The following PDZD8 variants were observed in gnomAD, a reference collection of about 807,000 sequenced individuals.
The protein encoded by PDZD8 is PDZ domain-containing protein 8.
In PDZD8, 14 loss-of-function variants were observed where a neutral mutation model predicts 85.8. That is an observed-to-expected ratio of 0.16 (90% CI 0.11 to 0.26). The LOEUF is 0.26. PDZD8 is among the 10% of genes least tolerant of loss of function. PDZD8 has a pLI of 1.00. For missense variants in PDZD8, 1,197 were observed against 1,424.3 expected (o/e 0.84, Z 2.57); for synonymous variants, 592 against 568.6 (o/e 1.04, Z -0.59).
intron 2 of PDZD8, among the ~76,000 whole-genome samples, chr10:117,330,914 A>G (rs1319877158): frequency 1.3e-5 from 2 of 152,182 alleles, no homozygotes; most frequent in Non-Finnish European, 2.9e-5. Context: ...TCTTTTTCCA[A>G]TTACCTAAAA....
chr10:117,322,813 T>C (rs1162890468), intron 2 of PDZD8, among the ~76,000 whole-genome samples: 3 of 152,126 alleles, frequency 2.0e-5, no homozygotes, highest in African/African-American at 7.2e-5. Flanking sequence ...AAGATAAGCC[T>C]GGTCAGGGAA....
intron 2 of PDZD8, among the ~76,000 whole-genome samples, chr10:117,336,898 A>G (rs1458457524): frequency 6.6e-6 from 1 of 152,046 alleles, no homozygotes; most frequent in African/African-American, 2.4e-5. Flanking sequence ...AAACTTAAAA[A>G]AAAAAAAGAT....
Position 117,375,094 on chromosome 10 carries a change from A to T in PDZD8, c.134T>A (p.Phe45Tyr). 2 of 1,597,402 alleles carry T rather than the reference A, an allele frequency of 1.3e-6. No homozygotes were observed. Among genetic ancestry groups the T allele is most frequent in the Admixed American group, 1.7e-5 (1 of 59,492 alleles). The change falls in exon 1 of 5, where the codon TTC becomes TAC. Residue 45 changes from phenylalanine to tyrosine, a missense_variant. This residue lies in a region of PDZD8 where 172 missense variants were observed against 137.8 expected (regional missense o/e 1.25). Transcript: ENST00000334464. ...ADEAARAGEGFRYIKPVPGLL... is the reference protein window; with the variant it reads ...ADEAARAGEGYRYIKPVPGLL... ...GCCCGGCACTGGCTTGATGTAGCGG[A>T]AGCCCTCGCCCGCGCGGGCGGCCTC...
intron 1 of PDZD8, among the ~76,000 whole-genome samples, chr10:117,362,862 T>G (rs1845020762): frequency 6.8e-6 from 1 of 146,512 alleles, no homozygotes; most frequent in Admixed American, 6.9e-5. Flanking sequence ...CACTCCAGCA[T>G]TAGTAAACAA....
chr10:117,367,076 G>C (rs75889412), intron 1 of PDZD8, among the ~76,000 whole-genome samples: 1 of 152,124 alleles, frequency 6.6e-6, no homozygotes, highest in Non-Finnish European at 1.5e-5. Context: ...AGAAACTGTG[G>C]CTTTTTGGGA....
At chr10:117,354,069 C>T (rs1402394202) in intron 1 of PDZD8, among the ~76,000 whole-genome samples, 3 of 152,160 alleles carry the variant, frequency 2.0e-5, no homozygotes, top group African/African-American at 7.2e-5. Context: ...TTTTATTCCT[C>T]CTCTTCTCAC....
chr10:117,294,633 A>T (rs959472405), intron 3 of PDZD8, among the ~76,000 whole-genome samples: 8 of 152,192 alleles, frequency 5.3e-5, no homozygotes, highest in African/African-American at 1.9e-4. Context: ...AATGGATAAA[A>T]AATGTGCGGT....
intron 2 of PDZD8, among the ~76,000 whole-genome samples, chr10:117,337,412 A>ATT (rs1844535820): frequency 2.0e-5 from 3 of 152,224 alleles, no homozygotes; most frequent in Non-Finnish European, 4.4e-5. Flanking sequence ...CAACTCAAAA[A>ATT]AACATGCAAT....
Position 117,321,561 on chromosome 10 carries a change from T to C in PDZD8, c.996-2587A>G, listed in dbSNP as rs542453544. Among the ~76,000 whole-genome samples, 11 of 152,292 alleles carry C rather than the reference T, an allele frequency of 7.2e-5. No individual in the cohort carries two copies. In the South Asian group the frequency reaches 2.1e-3, roughly 29 times the overall value. The stretch of plus-strand genomic sequence containing the variant: ...ATGAAAATATTCTAAAATTAAACTC[T>C]GACGGTGGTTATACAGCCCTGTAAA... On this transcript the variant is annotated intron_variant, in intron 2 of 4. Transcript: ENST00000334464.
At chr10:117,361,350 TC>T (rs1844996262) in intron 1 of PDZD8, among the ~76,000 whole-genome samples, 1 of 152,200 alleles carries the variant, frequency 6.6e-6, no homozygotes, top group African/African-American at 2.4e-5. Context: ...GTTAATTTAC[TC>T]CCTGTTAGCA....
chr10:117,324,579 T>G (rs1844283392), intron 2 of PDZD8, among the ~76,000 whole-genome samples: 1 of 152,164 alleles, frequency 6.6e-6, no homozygotes. Flanking sequence ...TCGTCAAGAT[T>G]CATTATAAGT....
At chr10:117,316,081 T>C (rs1844124154) in intron 3 of PDZD8, among the ~76,000 whole-genome samples, 1 of 152,182 alleles carries the variant, frequency 6.6e-6, no homozygotes. Flanking sequence ...CCCCTAATTT[T>C]TGTTTAAGCC....
chr10:117,318,122 T>A (rs746819918), intron 3 of PDZD8, among the ~76,000 whole-genome samples: 3 of 152,228 alleles, frequency 2.0e-5, no homozygotes, highest in Non-Finnish European at 4.4e-5. Context: ...ACTGTTATCC[T>A]GTAGTACTGG....
At chr10:117,307,996 T>C (rs1843972067) in intron 3 of PDZD8, among the ~76,000 whole-genome samples, 1 of 152,150 alleles carries the variant, frequency 6.6e-6, no homozygotes, top group South Asian at 2.1e-4. Context: ...TGAAGTATCA[T>C]GAACTACTTC....
Position 117,284,827 on chromosome 10 carries a change from C to G in PDZD8, c.1906G>C (p.Ala636Pro), listed in dbSNP as rs1844631991. Residue 636 changes from alanine to proline, a missense_variant, in exon 5 of 5, where the codon GCA becomes CCA. Around this residue, in one of 4 missense-constraint regions of PDZD8, gnomAD observed 263 missense variants for 261.9 expected, o/e 1.00. Coordinates refer to ENST00000334464, the MANE Select transcript of PDZD8 (RefSeq NM_173791.5). ...TCGTCTATGGCATCCACATTTTTTG[C>G]TTGCTTTTCAGCAGATTTATCTACA... is the stretch of plus-strand genomic sequence containing the variant. ...PLVDKSAEKQ[A>P]KNVDAIDDAA... 2.0e-5 allele frequency: 32 copies of G among 1,614,048 alleles called. No homozygotes were observed. In the East Asian group the frequency reaches 7.1e-4, roughly 36 times the overall value.
At chr10:117,301,269 C>T (rs1434205166) in intron 3 of PDZD8, among the ~76,000 whole-genome samples, 1 of 152,132 alleles carries the variant, frequency 6.6e-6, no homozygotes, top group African/African-American at 2.4e-5. Context: ...CAGGTATGAG[C>T]CACTGCGCCT....
At chr10:117,290,861 A>G (rs1844746466) in intron 3 of PDZD8, among the ~76,000 whole-genome samples, 2 of 134,958 alleles carry the variant, frequency 1.5e-5, no homozygotes, top group Admixed American at 7.6e-5. Flanking sequence ...TGTATGGTGT[A>G]TCCTTTTTTT....
At chr10:117,354,673 G>C (rs767908495) in intron 1 of PDZD8, among the ~76,000 whole-genome samples, 1 of 152,164 alleles carries the variant, frequency 6.6e-6, no homozygotes, top group Admixed American at 6.5e-5. Context: ...TCCTTTCTAA[G>C]GGAGAGAGTA....
At chr10:117,325,689 C>T (rs1844304604) in intron 2 of PDZD8, among the ~76,000 whole-genome samples, 1 of 152,050 alleles carries the variant, frequency 6.6e-6, no homozygotes, top group Non-Finnish European at 1.5e-5. Context: ...AGGCATGAGC[C>T]ACCACGCCCA....
Sources: gnomAD v4.1 joint callset for allele counts (sites outside exome capture counted in the v4.1 genomes callset) on GRCh38, gnomAD v4.1.1 for gene constraint, gnomAD v4.1.1 regional missense constraint, MANE v1.5 for transcripts, NCBI Gene and HGNC (gene_info 2026-07-23, HGNC 2026-07-21) for gene names.